The following PLOD1 variants were observed in gnomAD, a reference collection of about 807,000 sequenced individuals.
PLOD1 encodes the protein procollagen-lysine,2-oxoglutarate 5-dioxygenase 1.
In PLOD1, 70 loss-of-function variants were observed where a neutral mutation model predicts 94.7. That is an observed-to-expected ratio of 0.74 (90% confidence interval 0.61 to 0.90). The LOEUF is 0.90. Among genes scored for constraint, PLOD1 ranks in the 40% least tolerant of loss-of-function variants. The pLI, the probability that PLOD1 is intolerant of heterozygous loss-of-function variation, is 0.00. For synonymous variants in PLOD1, 417 were observed against 400.2 expected (o/e 1.04, Z -0.50); for missense variants, 905 against 972.7 (o/e 0.93, Z 0.93).
chr1:11,962,274 C>CTTTTTTTTTTTTT (rs780613164), intron 10 of PLOD1, among the ~76,000 whole-genome samples: 13 of 99,088 alleles, frequency 1.3e-4, no homozygotes, highest in East Asian at 3.0e-4. Context: ...TTTTTGTTTT[C>CTTTTTTTTTTTTT]TTTTTTTTTT....
At chr1:11,939,732 C>G (rs961445665) in intron 1 of PLOD1, among the ~76,000 whole-genome samples, 1 of 151,884 alleles carries the variant, frequency 6.6e-6, no homozygotes, top group Non-Finnish European at 1.5e-5. Context: ...CTCAGTCTCC[C>G]GAGTAGCTGG....
In PLOD1 at chr1:11,947,868, T is replaced by C. The variant is rs1300671522; in HGVS notation, c.77-108T>C. ...GGCCCTGTTCTGTAATGGGTTGACA[T>C]GAAGACACTTCCTGCCAGAATTTGA... On this transcript the variant is annotated intron_variant, in intron 1 of 18. Transcript: ENST00000196061. 9.1e-6 allele frequency: 7 copies of C among 773,244 alleles called. No homozygotes were observed. The Admixed American group carries it at 9.4e-5, about 10-fold the overall frequency. The allele number at this position is 773,244 out of a possible 1,614,324, so 47.9% of individuals were successfully genotyped here. A position where few individuals can be genotyped will look rare whatever the true frequency, so the allele number is the denominator to read the frequency against.
intron 5 of PLOD1, chr1:11,954,267 G>A (rs1232841070): frequency 3.4e-6 from 1 of 292,494 alleles, no homozygotes; most frequent in Non-Finnish European, 6.5e-6. Context: ...GAGGTCAGGA[G>A]TTCGAGACCA....
intron 1 of PLOD1, among the ~76,000 whole-genome samples, chr1:11,941,985 CTT>C (rs34636670): frequency 3.8e-4 from 52 of 138,538 alleles, no homozygotes; most frequent in Admixed American, 4.3e-4. Context: ...TGTGCCCGGC[CTT>C]TTTTTTTTTT....
In PLOD1 at chr1:11,959,769, C is replaced by A. The variant is rs566701991; in HGVS notation, c.976-877C>A. On this transcript the variant is annotated intron_variant, in intron 9 of 18. Transcript: ENST00000196061. Reference sequence around the variant, plus strand: ...AGTAGCTGGGATTACAGGCGCCTGCCACCGTGCCTGGCTAATTTTTTGTAT... The same window carrying A: ...AGTAGCTGGGATTACAGGCGCCTGCAACCGTGCCTGGCTAATTTTTTGTAT... 2.6e-5 allele frequency among the ~76,000 whole-genome samples: 4 copies of A among 151,666 alleles called. No individual in the cohort carries two copies. The East Asian group carries it at 7.7e-4, about 29-fold the overall frequency.
chr1:11,952,506 A>G, intron 4 of PLOD1, 117 bp from the exon 5 acceptor site: 1 of 765,592 alleles, frequency 1.3e-6, no homozygotes, highest in Non-Finnish European at 2.3e-6. Flanking sequence ...CTGAGAGGTG[A>G]CAGGGTTTGT....
chr1:11,944,431 A>ACACACACACACG (rs1645635531), intron 1 of PLOD1: 1 of 720,648 alleles, frequency 1.4e-6, no homozygotes, highest in Non-Finnish European at 2.1e-6. Flanking sequence ...GTACACACAC[A>ACACACACACACG]CACACACACA....
chr1:11,951,606 ATT>A (rs1301395409), intron 4 of PLOD1, among the ~76,000 whole-genome samples: 2 of 146,370 alleles, frequency 1.4e-5, no homozygotes, highest in East Asian at 3.9e-4. Context: ...TATTATATAT[ATT>A]ATATATAATA....
chr1:11,967,608 TATATATAA>T (rs1285208471), intron 16 of PLOD1, among the ~76,000 whole-genome samples: 17 of 125,726 alleles, frequency 1.4e-4, no homozygotes, highest in East Asian at 2.5e-4. Context: ...TATATATATA[TATATATAA>T]AAAGAAATAT....
In PLOD1 at chr1:11,964,277, G is replaced by A; in HGVS notation, c.1305G>A (p.Val435=). Reference sequence around the variant, plus strand: ...ACTATGCCCGTTCCGAGGACTACGTGGACATTGTGCAGGGGCGGCGTGTGT... The same window carrying A: ...ACTATGCCCGTTCCGAGGACTACGTAGACATTGTGCAGGGGCGGCGTGTGT... ...DGYYARSEDY[V]DIVQGRRVGV... is the part of the protein sequence containing the mutation. The change falls in exon 12 of 19, where the codon GTG becomes GTA. Residue 435 remains valine (V), a synonymous_variant. Coordinates refer to ENST00000196061, the MANE Select transcript of PLOD1 (RefSeq NM_000302.4). The A allele has an allele frequency of 6.4e-7, 1 of 1,573,238 alleles. No homozygotes were observed. Among genetic ancestry groups the A allele is most frequent in the Non-Finnish European group, 8.7e-7 (1 of 1,154,770 alleles).
At position 11,958,952 on chromosome 1, in the gene PLOD1, C is replaced by T. The variant is rs1645758970; in HGVS notation, c.975+305C>T. On this transcript the variant is annotated intron_variant, in intron 9 of 18. Coordinates refer to ENST00000196061, the MANE Select transcript of PLOD1 (RefSeq NM_000302.4). This position sits in a 1 kb window ranked among gnomAD's most constrained non-coding sequence, Gnocchi z 4.3. ...GGGCGCGGTGGCTCATGCCTGTAATCCCAGCACTTTGGGAGGCCCAGGTGG... is the reference window on the plus strand; with the variant it reads ...GGGCGCGGTGGCTCATGCCTGTAATTCCAGCACTTTGGGAGGCCCAGGTGG... Among the ~76,000 whole-genome samples the T allele has an allele frequency of 6.6e-6, 1 of 152,164 alleles. No homozygotes were observed. Among genetic ancestry groups the T allele is most frequent in the Admixed American group, 6.6e-5 (1 of 15,266 alleles).
rs1569689061 is a variant in PLOD1, at chr1:11,950,585, C to A, written c.466+65C>A. 5.4e-5 allele frequency: 81 copies of A among 1,497,370 alleles called. 1 individual carries two copies. The South Asian group carries it at 9.2e-4, about 17-fold the overall frequency. 92.8% of individuals were successfully genotyped at this position (1,497,370 alleles called of 1,614,324 possible). ...GGTCCATCTACTGCCTTTGTGGGGA[C>A]CCCCCTTGTTTGACGTGCAATCTGG... On this transcript the variant is annotated intron_variant, in intron 4 of 18. Transcript: ENST00000196061.
chr1:11,937,020 G>T (rs1177452783), intron 1 of PLOD1, among the ~76,000 whole-genome samples: 1 of 151,930 alleles, frequency 6.6e-6, no homozygotes, highest in South Asian at 2.1e-4. Context: ...GCTAATGTTT[G>T]TATTTTTAGT....
At position 11,965,541 on chromosome 1, in the gene PLOD1, A is replaced by T; in HGVS notation, c.1532A>T (p.Tyr511Phe). Residue 511 changes from tyrosine (Y) to phenylalanine (F), a missense_variant, in exon 14 of 19, where the codon TAC becomes TTC. Coordinates refer to ENST00000196061, the MANE Select transcript of PLOD1 (RefSeq NM_000302.4). Reference protein sequence around the residue: ...TLGHLLSLDSYRTTHLHNDLW... With the variant: ...TLGHLLSLDSFRTTHLHNDLW... ...GGCCATCTGCTCTCCCTAGACAGCTACCGCACCACCCACCTGCACAACGAC... is the reference window on the plus strand; with the variant it reads ...GGCCATCTGCTCTCCCTAGACAGCTTCCGCACCACCCACCTGCACAACGAC... 3 of 1,613,690 alleles carry T rather than the reference A, an allele frequency of 1.9e-6. No individual in the cohort carries two copies. The highest frequency in any genetic ancestry group is 2.2e-5 in the East Asian group (1 of 44,882).
At chr1:11,960,083 C>T (rs1645767360) in intron 9 of PLOD1, among the ~76,000 whole-genome samples, 1 of 151,902 alleles carries the variant, frequency 6.6e-6, no homozygotes, top group South Asian at 2.1e-4. Flanking sequence ...AGTTCTCTGC[C>T]TCAGCCTCCT....
At chr1:11,951,067 T>G (rs1023088947) in intron 4 of PLOD1, among the ~76,000 whole-genome samples, 5 of 151,996 alleles carry the variant, frequency 3.3e-5, no homozygotes, top group African/African-American at 1.2e-4. Flanking sequence ...GTGCTGGGAT[T>G]ATAGGCATGA....
At chr1:11,956,541 A>T (rs1645738941) in intron 6 of PLOD1, among the ~76,000 whole-genome samples, 1 of 152,138 alleles carries the variant, frequency 6.6e-6, no homozygotes, top group African/African-American at 2.4e-5. Flanking sequence ...TACTCAGAGA[A>T]GGCGCGTCCC....
At chr1:11,962,565 C>G (rs1005282307) in intron 10 of PLOD1, among the ~76,000 whole-genome samples, 18 of 152,070 alleles carry the variant, frequency 1.2e-4, no homozygotes, top group African/African-American at 2.7e-4. Flanking sequence ...CGTGAGCCAC[C>G]ACGCCCTGCC....
In PLOD1 at chr1:11,972,595, C is replaced by G; in HGVS notation, c.1903-277C>G. Reference sequence around the variant, plus strand: ...TCTCTTCCCTTTCATTTCTTCTCTTCCCTTTTCCTCCCTTCCTCCCTCCCT... The same window carrying G: ...TCTCTTCCCTTTCATTTCTTCTCTTGCCTTTTCCTCCCTTCCTCCCTCCCT... On this transcript the variant is annotated intron_variant, in intron 17 of 18. Coordinates refer to ENST00000196061, the MANE Select transcript of PLOD1 (RefSeq NM_000302.4). The surrounding 1 kb of genome is among the most constrained non-coding windows in gnomAD (Gnocchi z 4.6). 2.3e-6 allele frequency: 1 copy of G among 426,564 alleles called. No homozygotes were observed. Among genetic ancestry groups the G allele is most frequent in the Admixed American group, 3.5e-5 (1 of 28,286 alleles). 26.4% of individuals were successfully genotyped at this position (426,564 alleles called of 1,614,324 possible).
Sources: allele counts gnomAD v4.1 joint callset (sites outside exome capture counted in the v4.1 genomes callset), GRCh38; gene constraint gnomAD v4.1.1; non-coding constraint Gnocchi (gnomAD v3.1); transcripts MANE v1.5; gene names NCBI Gene and HGNC (gene_info 2026-07-23, HGNC 2026-07-21).